Variants in SDHA observed in about 807,000 individuals in gnomAD.
SDHA encodes succinate dehydrogenase [ubiquinone] flavoprotein subunit, mitochondrial.
Under a neutral mutation model 78.4 loss-of-function variants are expected in SDHA, and 48 were observed. The observed-to-expected ratio is 0.61, with a 90% CI of 0.49 to 0.78. SDHA has a LOEUF of 0.78. Among genes scored for constraint, SDHA ranks in the 30% least tolerant of loss-of-function variants. The pLI is 0.00. For synonymous variants in SDHA, 326 were observed against 353.9 expected (o/e 0.92, Z 0.88); for missense variants, 680 against 892.7 (o/e 0.76, Z 3.04).
intron 14 of SDHA, among the ~76,000 whole-genome samples, chr5:254,825 G>A (rs1273878579): frequency 2.0e-5 from 3 of 152,032 alleles, no homozygotes; most frequent in Non-Finnish European, 2.9e-5. Flanking sequence ...TGGACCTAGC[G>A]AGAAAGCATC....
At chr5:227,090 T>C (rs1735077930) in intron 5 of SDHA, among the ~76,000 whole-genome samples, 1 of 152,032 alleles carries the variant, frequency 6.6e-6, no homozygotes, top group African/African-American at 2.4e-5. Flanking sequence ...AGCTCACTGC[T>C]ACTTCCACCT....
chr5:225,809 T>A, intron 4 of SDHA, 74 bp from the exon 5 acceptor site: 1 of 1,569,752 alleles, frequency 6.4e-7, no homozygotes, highest in East Asian at 2.2e-5. Context: ...TTAAACTTGT[T>A]TAGTGTAGAT....
In SDHA at chr5:225,515, G is replaced by A. The variant is rs1734961262; in HGVS notation, c.409G>A (p.Asp137Asn). The change falls in exon 4 of 15, where the codon GAT (aspartate) becomes AAT (asparagine). Residue 137 changes from aspartate (D) to asparagine (N), a missense_variant. Asp to Asn is a conservative substitution (Grantham distance 23, BLOSUM62 1). Transcript: ENST00000264932. Reference protein sequence around the residue: ...VKGSDWLGDQDAIHYMTEQAP... With the variant: ...VKGSDWLGDQNAIHYMTEQAP... Reference sequence around the variant, plus strand: ...GGGCTCCGACTGGCTGGGGGACCAGGATGCCATCCACTACATGACGGAGCA... The same window carrying A: ...GGGCTCCGACTGGCTGGGGGACCAGAATGCCATCCACTACATGACGGAGCA... The A allele has an allele frequency of 6.2e-7, 1 of 1,613,802 alleles. No homozygotes were observed. Among genetic ancestry groups the A allele is most frequent in the South Asian group, 1.1e-5 (1 of 91,068 alleles).
chr5:254,967 T>C (rs1737087758), intron 14 of SDHA, among the ~76,000 whole-genome samples: 1 of 151,924 alleles, frequency 6.6e-6, no homozygotes, highest in African/African-American at 2.4e-5. Context: ...GGGGATGTGG[T>C]GCAGCCTTTA....
chr5:252,182 G>A (rs1200567143), intron 13 of SDHA, among the ~76,000 whole-genome samples: 3 of 140,320 alleles, frequency 2.1e-5, no homozygotes, highest in East Asian at 4.4e-4. Context: ...GTTTATTAAC[G>A]AATAAGCCAC....
intron 14 of SDHA, among the ~76,000 whole-genome samples, chr5:255,445 C>T (rs528875066): frequency 6.0e-5 from 9 of 149,806 alleles, no homozygotes; most frequent in African/African-American, 1.2e-4. Flanking sequence ...TTTCCGGGTT[C>T]GGGTTTTTTG....
intron 4 of SDHA, 83 bp downstream of exon 4, chr5:225,645 C>T (rs200342815): frequency 1.0e-5 from 16 of 1,589,128 alleles, no homozygotes; most frequent in Admixed American, 1.7e-5. Context: ...GCAATTGAGG[C>T]GGATGTGGCA....
chr5:253,800 A>G (rs568425962), intron 13 of SDHA, among the ~76,000 whole-genome samples: 52 of 151,690 alleles, frequency 3.4e-4, no homozygotes, highest in African/African-American at 1.2e-3. Flanking sequence ...AGTGCCTCAC[A>G]CCTGTAATCC....
At position 256,808 on chromosome 5, in the gene SDHA, TTC is replaced by T. The variant is rs1218190383; in HGVS notation, c.*390_*391del. 1 of 275,400 alleles carries T rather than the reference TTC, an allele frequency of 3.6e-6. No individual in the cohort carries two copies. Among genetic ancestry groups the T allele is most frequent in the Admixed American group, 5.0e-5 (1 of 20,010 alleles). The allele number at this position is 275,400 out of a possible 1,614,324, so 17.1% of individuals were successfully genotyped here. On this transcript the variant is annotated 3_prime_UTR_variant, in exon 15 of 15. Transcript: ENST00000264932. ...TCAAAATCCAGATATTTTGTATAGT[TTC>T]TTTTTTCTTTTTCTTTTCTTTTTTT...
chr5:233,781 C>T lies in SDHA; in HGVS notation c.1064+136C>T, dbSNP rs41282617. 2,012 of 850,218 alleles carry T rather than the reference C, an allele frequency of 2.4e-3. 9 individuals are homozygous for T. The highest frequency in any genetic ancestry group is 2.4e-3 in the Non-Finnish European group (1,217 of 510,518). The allele number at this position is 850,218 out of a possible 1,614,324, so 52.7% of individuals were successfully genotyped here. A position where few individuals can be genotyped will look rare whatever the true frequency, so the allele number is the denominator to read the frequency against. ...GCCACCTCTCTTAGCTGCTGGCAGG[C>T]GTCTGTTAGTCTGCGATATTTTCCT... On this transcript the variant is annotated intron_variant, in intron 8 of 14. Transcript: ENST00000264932.
chr5:242,618 G>T (rs1736215305), intron 11 of SDHA, among the ~76,000 whole-genome samples: 1 of 152,158 alleles, frequency 6.6e-6, no homozygotes, highest in African/African-American at 2.4e-5. Flanking sequence ...TAGCGCCGCT[G>T]GGTTAGGGTC....
rs369835283 is a variant in SDHA at position 240,498 on chromosome 5, G to A, written c.1551+22G>A. The A allele has an allele frequency of 4.8e-6, 7 of 1,444,136 alleles. No homozygotes were observed. The African/African-American group carries it at 9.9e-5, about 20-fold the overall frequency. The allele number at this position is 1,444,136 out of a possible 1,614,324, so 89.5% of individuals were successfully genotyped here. ...GAAGGTAAGAGCCTGGACTCGCTCTGGAGTGAGCAGGAGGGCTGCATACCT... is the reference window on the plus strand; with the variant it reads ...GAAGGTAAGAGCCTGGACTCGCTCTAGAGTGAGCAGGAGGGCTGCATACCT... On this transcript the variant is annotated intron_variant, in intron 11 of 14. Coordinates refer to ENST00000264932, the MANE Select transcript of SDHA (RefSeq NM_004168.4).
intron 11 of SDHA, chr5:250,727 T>A: frequency 2.3e-6 from 1 of 431,978 alleles, no homozygotes; most frequent in South Asian, 2.1e-5. Flanking sequence ...CTTGGAGTCC[T>A]GGACCCTGGC....
chr5:246,535 A>G (rs1311751681), intron 11 of SDHA, among the ~76,000 whole-genome samples: 5 of 152,292 alleles, frequency 3.3e-5, no homozygotes, highest in Non-Finnish European at 7.3e-5. Flanking sequence ...GCAAGGCCAT[A>G]AAGCCCAAGT....
At chr5:220,168 T>G (rs747660146) in intron 1 of SDHA, 10 of 310,938 alleles carry the variant, frequency 3.2e-5, no homozygotes, top group African/African-American at 4.3e-5. Context: ...TTGATCATTC[T>G]GTATTTACAA....
At chr5:222,111 C>T (rs1456652559) in intron 1 of SDHA, among the ~76,000 whole-genome samples, 1 of 151,982 alleles carries the variant, frequency 6.6e-6, no homozygotes, top group Non-Finnish European at 1.5e-5. Context: ...TTTTACCATG[C>T]AAAAATTTTA....
intron 1 of SDHA, among the ~76,000 whole-genome samples, chr5:222,817 T>A (rs56030943): frequency 6.6e-6 from 1 of 152,058 alleles, no homozygotes; most frequent in African/African-American, 2.4e-5. Flanking sequence ...TTGGGTAAAG[T>A]TTTCTAAGAT....
intron 4 of SDHA, 29 bp downstream of exon 4, chr5:225,591 C>T (rs1253492424): frequency 2.4e-5 from 39 of 1,613,624 alleles, no homozygotes; most frequent in African/African-American, 5.3e-5. Flanking sequence ...TGGGTGTTCT[C>T]GTGGTCTGTT....
rs140243793 is a variant in SDHA at position 230,882 on chromosome 5, C to T, written c.777C>T (p.Tyr259=). ...AKNTVVATGG[Y]GRTYFSCTSA... is the part of the protein sequence containing the mutation. Reference sequence around the variant, plus strand: ...TGCTCTCTATTGTTTCCAGAGGCTACGGGCGCACCTACTTCAGCTGCACGT... The same window carrying T: ...TGCTCTCTATTGTTTCCAGAGGCTATGGGCGCACCTACTTCAGCTGCACGT... Residue 259 remains tyrosine (Y), a synonymous_variant, in exon 7 of 15, where the codon TAC becomes TAT. Coordinates refer to ENST00000264932, the MANE Select transcript of SDHA (RefSeq NM_004168.4). 322 of 1,613,712 alleles carry T rather than the reference C, an allele frequency of 2.0e-4. 1 individual carries two copies. Among genetic ancestry groups the T allele is most frequent in the Non-Finnish European group, 2.5e-4 (298 of 1,179,816 alleles).
Sources: gnomAD v4.1 joint callset for allele counts (sites outside exome capture counted in the v4.1 genomes callset) on GRCh38, gnomAD v4.1.1 for gene constraint, MANE v1.5 for transcripts, NCBI Gene and HGNC (gene_info 2026-07-23, HGNC 2026-07-21) for gene names.